SP4: variants seen among roughly 807,000 people sequenced by gnomAD.
The protein encoded by SP4 is transcription factor Sp4.
Under a neutral mutation model 72.8 loss-of-function variants are expected in SP4, and 19 were observed. The ratio of observed to expected loss-of-function variants is 0.26; its 90% CI spans 0.18 to 0.38. The LOEUF is 0.38. Among genes scored for constraint, SP4 ranks in the 10% least tolerant of loss-of-function variants. The pLI is 1.00. For synonymous variants in SP4, 395 were observed against 333.1 expected (o/e 1.19, Z -2.02); for missense variants, 1,008 against 926.3 (o/e 1.09, Z -1.14).
chr7:21,474,120 G>GACAT (rs1171242992), intron 3 of SP4, among the ~76,000 whole-genome samples: 1 of 152,172 alleles, frequency 6.6e-6, no homozygotes, highest in Non-Finnish European at 1.5e-5. Flanking sequence ...GTGTGTCAAG[G>GACAT]ACATGGTCAG....
chr7:21,440,882 AACAAC>A (rs1783222461), intron 3 of SP4, among the ~76,000 whole-genome samples: 2 of 13,946 alleles, frequency 1.4e-4, no homozygotes, highest in Admixed American at 1.4e-3. Flanking sequence ...CAACAACAAC[AACAAC>A]AGCAGCAAAC....
chr7:21,498,125 T>G (rs1583444844), intron 5 of SP4, among the ~76,000 whole-genome samples: 1 of 152,282 alleles, frequency 6.6e-6, no homozygotes, highest in Non-Finnish European at 1.5e-5. Context: ...CAGCCCTCCT[T>G]ATATGTGGAT....
intron 3 of SP4, among the ~76,000 whole-genome samples, chr7:21,473,662 A>T (rs890692018): frequency 2.6e-5 from 4 of 152,210 alleles, no homozygotes. Context: ...TCTAAAGAGG[A>T]GAGATTTGAA....
intron 5 of SP4, among the ~76,000 whole-genome samples, chr7:21,506,516 T>C (rs997316753): frequency 9.9e-5 from 15 of 152,228 alleles, no homozygotes; most frequent in Admixed American, 2.0e-4. Context: ...AAATCTATAA[T>C]TCCCTTGTCT....
intron 3 of SP4, among the ~76,000 whole-genome samples, chr7:21,464,935 G>GGAA (rs1784121962): frequency 6.6e-6 from 1 of 152,028 alleles, no homozygotes; most frequent in African/African-American, 2.4e-5. Context: ...TTCCTTTTTT[G>GGAA]ATTTATTTTT....
intron 5 of SP4, among the ~76,000 whole-genome samples, chr7:21,506,939 C>T (rs1174747092): frequency 6.6e-6 from 1 of 152,186 alleles, no homozygotes; most frequent in Non-Finnish European, 1.5e-5. Context: ...GGCGCAGTCC[C>T]TGGGATCATT....
At position 21,430,692 on chromosome 7, in the gene SP4, G is replaced by C. The variant is rs369801483; in HGVS notation, c.1527G>C (p.Gln509His). 6.2e-6 allele frequency: 10 copies of C among 1,614,102 alleles called. No homozygotes were observed. Among genetic ancestry groups the C allele is most frequent in the South Asian group, 4.4e-5 (4 of 91,084 alleles). ...CAAGTGGTGGCACAACTCTTGCTCA[G>C]ATTGCTCCTGTGGCTGTTGCTGGTG... is the stretch of plus-strand genomic sequence containing the variant. ...VSSSGGTTLAQIAPVAVAGAP... is the reference protein window; with the variant it reads ...VSSSGGTTLAHIAPVAVAGAP... The change falls in exon 3 of 6, where the codon CAG (glutamine) becomes CAC (histidine). Residue 509 changes from glutamine to histidine, a missense_variant. Coordinates refer to ENST00000222584, the MANE Select transcript of SP4 (RefSeq NM_003112.5).
At chr7:21,468,500 G>T (rs1784236120) in intron 3 of SP4, among the ~76,000 whole-genome samples, 1 of 150,668 alleles carries the variant, frequency 6.6e-6, no homozygotes, top group South Asian at 2.1e-4. Context: ...TGTGGTTATT[G>T]TTGCTATTAT....
At chr7:21,468,816 T>A (rs1354265537) in intron 3 of SP4, among the ~76,000 whole-genome samples, 2 of 152,148 alleles carry the variant, frequency 1.3e-5, no homozygotes, top group African/African-American at 4.8e-5. Flanking sequence ...ATCACTTCTA[T>A]TAGAAACTAC....
At chr7:21,482,840 A>G (rs966504741) in intron 5 of SP4, 1 of 763,824 alleles carries the variant, frequency 1.3e-6, no homozygotes, top group African/African-American at 1.9e-5. Context: ...ATATTTGCAT[A>G]TATGAATTTC....
At chr7:21,493,874 A>G (rs1352367252) in intron 5 of SP4, among the ~76,000 whole-genome samples, 1 of 152,210 alleles carries the variant, frequency 6.6e-6, no homozygotes, top group Non-Finnish European at 1.5e-5. Context: ...AACTTAGACC[A>G]ATATCGTAAG....
intron 3 of SP4, among the ~76,000 whole-genome samples, chr7:21,462,032 T>G (rs926281362): frequency 6.7e-6 from 1 of 149,600 alleles, no homozygotes; most frequent in Non-Finnish European, 1.5e-5. Context: ...TTTTAGTTTT[T>G]TTTTTTTTTT....
chr7:21,461,325 C>CGGCT (rs1783972500), intron 3 of SP4, among the ~76,000 whole-genome samples: 1 of 152,140 alleles, frequency 6.6e-6, no homozygotes, highest in African/African-American at 2.4e-5. Context: ...CAGGAGCCCA[C>CGGCT]GGCTGGGTGG....
intron 3 of SP4, among the ~76,000 whole-genome samples, chr7:21,432,245 A>G (rs1214659523): frequency 6.6e-6 from 1 of 152,248 alleles, no homozygotes; most frequent in Non-Finnish European, 1.5e-5. Context: ...TCCTAAAACT[A>G]TTACAGCGTA....
At chr7:21,487,394 T>C (rs1406736788) in intron 5 of SP4, among the ~76,000 whole-genome samples, 1 of 149,144 alleles carries the variant, frequency 6.7e-6, no homozygotes, top group Non-Finnish European at 1.5e-5. Flanking sequence ...AGTAGACATA[T>C]TTTGGAATCT....
At chr7:21,461,930 G>T (rs1293320756) in intron 3 of SP4, among the ~76,000 whole-genome samples, 1 of 152,178 alleles carries the variant, frequency 6.6e-6, no homozygotes, top group Non-Finnish European at 1.5e-5. Flanking sequence ...GAATGACGAT[G>T]TCAGACCAAG....
chr7:21,477,072 T>G lies in SP4; in HGVS notation c.1679-7T>G, dbSNP rs1370360531. The G allele has an allele frequency of 5.0e-6, 8 of 1,607,214 alleles. No individual in the cohort carries two copies. Among genetic ancestry groups the G allele is most frequent in the Non-Finnish European group, 6.8e-6 (8 of 1,173,972 alleles). On this transcript the variant is annotated splice_region_variant and splice_polypyrimidine_tract_variant and intron_variant, in intron 3 of 5. Coordinates refer to ENST00000222584, the MANE Select transcript of SP4 (RefSeq NM_003112.5). ...TTACAATACTTCTTTTTTTTCTTCC[T>G]TTTTAGGTCAGCAGCAAGGACAAGA... is the stretch of plus-strand genomic sequence containing the variant.
At chr7:21,431,682 C>A (rs1263546117) in intron 3 of SP4, among the ~76,000 whole-genome samples, 3 of 152,082 alleles carry the variant, frequency 2.0e-5, no homozygotes, top group African/African-American at 4.8e-5. Flanking sequence ...TAGTTTTAAT[C>A]TTTTTTGGAC....
At chr7:21,477,801 A>G (rs1037067702) in intron 4 of SP4, among the ~76,000 whole-genome samples, 32 of 152,094 alleles carry the variant, frequency 2.1e-4, no homozygotes, top group African/African-American at 7.7e-4. Flanking sequence ...TCAGCCCCCC[A>G]AGTGCTGGGA....
Sources: allele counts gnomAD v4.1 joint callset (sites outside exome capture counted in the v4.1 genomes callset), GRCh38; gene constraint gnomAD v4.1.1; transcripts MANE v1.5; gene names NCBI Gene and HGNC (gene_info 2026-07-23, HGNC 2026-07-21).